The following ADAM19 variants were observed in gnomAD, a reference collection of about 807,000 sequenced individuals.
ADAM19 encodes disintegrin and metalloproteinase domain-containing protein 19.
ADAM19 carries 65 observed loss-of-function variants against 114.7 expected under a neutral mutation model. That is an observed-to-expected ratio of 0.57 (90% CI 0.46 to 0.70). The LOEUF (loss-of-function observed/expected upper bound fraction) is 0.70. Among genes scored for constraint, ADAM19 ranks in the 30% least tolerant of loss-of-function variants. The pLI is 0.00. For missense variants in ADAM19, 1,063 were observed against 1,204.7 expected, an observed-to-expected ratio of 0.88 and a Z score of 1.74; for synonymous variants, 466 against 460.5, an observed-to-expected ratio of 1.01 and a Z score of -0.15.
In ADAM19 at chr5:157,477,437, G is replaced by A; in HGVS notation, c.*3512C>T. On this transcript the variant is annotated 3_prime_UTR_variant, in exon 23 of 23. Coordinates refer to ENST00000257527, the MANE Select transcript of ADAM19 (RefSeq NM_033274.5). ...TTAATAGGTGGACAAGAGAGAAGAAGATCTGTTTTCCGTGAACAATCTCCC... is the reference window on the plus strand; with the variant it reads ...TTAATAGGTGGACAAGAGAGAAGAAAATCTGTTTTCCGTGAACAATCTCCC... The A allele has an allele frequency of 9.7e-7, 1 of 1,032,196 alleles. No individual in the cohort carries two copies. Among genetic ancestry groups the A allele is most frequent in the Non-Finnish European group, 1.2e-6 (1 of 855,094 alleles). The allele number at this position is 1,032,196 out of a possible 1,614,324, so 63.9% of individuals were successfully genotyped here.
intron 5 of ADAM19, among the ~76,000 whole-genome samples, chr5:157,522,025 C>T (rs575385195): frequency 4.0e-4 from 61 of 152,342 alleles, no homozygotes; most frequent in Middle Eastern, 3.4e-3. Flanking sequence ...TCTGGCATCA[C>T]TTGAACAAGC....
intron 4 of ADAM19, among the ~76,000 whole-genome samples, chr5:157,532,030 GA>G (rs1756639584): frequency 6.6e-6 from 1 of 152,206 alleles, no homozygotes; most frequent in Non-Finnish European, 1.5e-5. Context: ...GTAGCCCTAG[GA>G]AACAAACACT....
intron 5 of ADAM19, among the ~76,000 whole-genome samples, chr5:157,522,903 C>G (rs1756343981): frequency 6.6e-6 from 1 of 152,188 alleles, no homozygotes; most frequent in Non-Finnish European, 1.5e-5. Flanking sequence ...ACCTCAGTTT[C>G]CTAAGAGAAA....
intron 3 of ADAM19, among the ~76,000 whole-genome samples, chr5:157,553,760 T>G (rs1757269498): frequency 6.6e-6 from 1 of 152,194 alleles, no homozygotes; most frequent in Admixed American, 6.5e-5. Flanking sequence ...TTAATAAATT[T>G]TGATTCATCC....
In ADAM19 at chr5:157,477,847, T is replaced by C. The variant is rs376309845; in HGVS notation, c.*3102A>G. ...CTATTGCTTCAGGGGGAAGGGACTA[T>C]GGCAATACAAAAAAACACTCCAACC... On this transcript the variant is annotated 3_prime_UTR_variant, in exon 23 of 23. Transcript: ENST00000257527. The C allele has an allele frequency of 2.3e-5, 14 of 617,634 alleles. No individual in the cohort carries two copies. The Admixed American group carries it at 3.2e-4, about 14-fold the overall frequency. The allele number at this position is 617,634 out of a possible 1,614,324, so 38.3% of individuals were successfully genotyped here. A position where few individuals can be genotyped will look rare whatever the true frequency, so the allele number is the denominator to read the frequency against.
At chr5:157,502,069 AT>A (rs113897301) in intron 12 of ADAM19, among the ~76,000 whole-genome samples, 8 of 151,316 alleles carry the variant, frequency 5.3e-5, no homozygotes, top group South Asian at 2.1e-4. Context: ...ATAAAATCAG[AT>A]TTTTTTTTCC....
rs371078456 is a variant in ADAM19 at position 157,488,239 on chromosome 5, C to A, written c.2550+26G>T. 1.4e-5 allele frequency: 22 copies of A among 1,602,810 alleles called. No homozygotes were observed. In the African/African-American group the frequency reaches 2.8e-4, roughly 20 times the overall value. On this transcript the variant is annotated intron_variant, in intron 21 of 22. Coordinates refer to ENST00000257527, the MANE Select transcript of ADAM19 (RefSeq NM_033274.5). ...GTGGCCTTAAAAGCAATGTTCCCAG[C>A]CCAAGGTTGCTGATTATCCACTTAC...
In ADAM19 at chr5:157,540,271, T is replaced by A. The variant is rs116175259; in HGVS notation, c.252-2280A>T. 6.8e-3 allele frequency among the ~76,000 whole-genome samples: 1,028 copies of A among 152,190 alleles called. 13 individuals carry two copies. The highest frequency in any genetic ancestry group is 0.024 in the African/African-American group (986 of 41,524). ...TCTCCAGTACATCACTTAAGAGAGG[T>A]GGTAAAACGCAATGTGCTCATTCCT... On this transcript the variant is annotated intron_variant, in intron 3 of 22. Coordinates refer to ENST00000257527, the MANE Select transcript of ADAM19 (RefSeq NM_033274.5).
chr5:157,564,595 C>A, intron 2 of ADAM19, 152 bp from the exon 3 acceptor site: 1 of 704,508 alleles, frequency 1.4e-6, no homozygotes, highest in Non-Finnish European at 2.5e-6. Flanking sequence ...GTAAAATGAC[C>A]TCAATCCCAG....
intron 5 of ADAM19, among the ~76,000 whole-genome samples, chr5:157,526,359 A>G (rs1581329125): frequency 6.6e-6 from 1 of 152,252 alleles, no homozygotes; most frequent in South Asian, 2.1e-4. Context: ...AACATTTAAC[A>G]CTAAACCTGT....
At chr5:157,566,381 T>C (rs1277524926) in intron 2 of ADAM19, 1 of 152,232 alleles carries the variant, frequency 6.6e-6, no homozygotes, top group Non-Finnish European at 1.5e-5. Flanking sequence ...ACCATTACCA[T>C]AGTTAATGGG....
Position 157,528,304 on chromosome 5 carries a change from C to T in ADAM19, c.407+2503G>A, listed in dbSNP as rs1008041671. On this transcript the variant is annotated intron_variant, in intron 5 of 22. Transcript: ENST00000257527. ...ATGCAAAACAGAAACACACGGACAGCTCACCCGGTATCCCCCTCCCTTTCA... is the reference window on the plus strand; with the variant it reads ...ATGCAAAACAGAAACACACGGACAGTTCACCCGGTATCCCCCTCCCTTTCA... Among the ~76,000 whole-genome samples the T allele has an allele frequency of 2.6e-5, 4 of 152,210 alleles. No individual in the cohort carries two copies. In the East Asian group the frequency reaches 5.8e-4, roughly 22 times the overall value.
intron 7 of ADAM19, among the ~76,000 whole-genome samples, chr5:157,515,690 A>G (rs1025178356): frequency 6.6e-6 from 1 of 152,152 alleles, no homozygotes; most frequent in Non-Finnish European, 1.5e-5. Flanking sequence ...TCAAACTTAC[A>G]TTTTCTAGGG....
Position 157,491,931 on chromosome 5 carries a change from G to T in ADAM19, c.1909-19C>A. 2 of 1,613,076 alleles carry T rather than the reference G, an allele frequency of 1.2e-6. No homozygotes were observed. The highest frequency in any genetic ancestry group is 2.2e-5 in the South Asian group (2 of 91,012). On this transcript the variant is annotated intron_variant, in intron 16 of 22. Transcript: ENST00000257527. ...AGCAAATCTGCACGGAGAGAAAACA[G>T]AACGATCAGTGCAATGGGAGGGATG... is the stretch of plus-strand genomic sequence containing the variant.
At chr5:157,552,847 T>A (rs568755933) in intron 3 of ADAM19, among the ~76,000 whole-genome samples, 34 of 152,286 alleles carry the variant, frequency 2.2e-4, no homozygotes, top group African/African-American at 8.2e-4. Flanking sequence ...GGAGTACTAT[T>A]CTGCCATAAA....
At chr5:157,498,146 G>A (rs1755427687) in intron 13 of ADAM19, among the ~76,000 whole-genome samples, 1 of 152,212 alleles carries the variant, frequency 6.6e-6, no homozygotes, top group Non-Finnish European at 1.5e-5. Context: ...CCCTGCTCCT[G>A]GGCCACTCCT....
chr5:157,539,389 C>A (rs1317419662), intron 3 of ADAM19, among the ~76,000 whole-genome samples: 1 of 152,098 alleles, frequency 6.6e-6, no homozygotes, highest in Admixed American at 6.6e-5. Flanking sequence ...GCAGGGATAA[C>A]CCAGGTTTTG....
At chr5:157,550,686 G>GAA (rs60281885) in intron 3 of ADAM19, among the ~76,000 whole-genome samples, 99 of 139,860 alleles carry the variant, frequency 7.1e-4, no homozygotes, top group Non-Finnish European at 1.1e-3. Flanking sequence ...AAGCTGTTTG[G>GAA]AAAAAAAAAA....
At chr5:157,495,129 CA>C (rs142420436) in intron 14 of ADAM19, among the ~76,000 whole-genome samples, 7,662 of 152,204 alleles carry the variant, frequency 0.05, 269 homozygotes, top group Middle Eastern at 0.092. Flanking sequence ...GCTGGGATGA[CA>C]AGCACCCACC....
Sources: allele counts gnomAD v4.1 joint callset (sites outside exome capture counted in the v4.1 genomes callset), GRCh38; gene constraint gnomAD v4.1.1; transcripts MANE v1.5; gene names NCBI Gene and HGNC (gene_info 2026-07-23, HGNC 2026-07-21).